SNX14: variants seen among roughly 807,000 people sequenced by gnomAD.
The protein encoded by SNX14 is sorting nexin-14.
In SNX14, 93 loss-of-function variants were observed where a neutral mutation model predicts 133.8. The observed-to-expected ratio is 0.70, with a 90% confidence interval of 0.59 to 0.83. SNX14 has a LOEUF of 0.83. Among genes scored for constraint, SNX14 ranks in the 40% least tolerant of loss-of-function variants. The pLI is 0.00. For synonymous variants in SNX14, 368 were observed against 365.6 expected, an observed-to-expected ratio of 1.01 and a Z score of -0.07; for missense variants, 945 against 1,094.9, an observed-to-expected ratio of 0.86 and a Z score of 1.93.
At chr6:85,591,007 C>T (rs1802582557) in intron 1 of SNX14, among the ~76,000 whole-genome samples, 1 of 152,192 alleles carries the variant, frequency 6.6e-6, no homozygotes, top group Non-Finnish European at 1.5e-5. Context: ...TGGGAGTACT[C>T]CCAGTATCAT....
At chr6:85,528,661 G>T (rs1296430037) in intron 19 of SNX14, among the ~76,000 whole-genome samples, 1 of 151,972 alleles carries the variant, frequency 6.6e-6, no homozygotes, top group Non-Finnish European at 1.5e-5. Context: ...AGATTTTTTT[G>T]AAATTGGTGA....
chr6:85,508,454 A>G (rs2127753046), intron 26 of SNX14: 1 of 887,692 alleles, frequency 1.1e-6, no homozygotes, highest in East Asian at 1.2e-4. Flanking sequence ...AAATGCATGG[A>G]AAAATGTAAG....
intron 21 of SNX14, among the ~76,000 whole-genome samples, chr6:85,522,821 C>T (rs997882971): frequency 3.9e-5 from 6 of 152,146 alleles, no homozygotes; most frequent in Admixed American, 2.6e-4. Context: ...TGTACTGTAC[C>T]TTCAAGATAC....
intron 1 of SNX14, among the ~76,000 whole-genome samples, chr6:85,575,023 T>C (rs1021550728): frequency 2.0e-5 from 3 of 151,944 alleles, no homozygotes; most frequent in African/African-American, 7.3e-5. Flanking sequence ...CAGAAGAGGA[T>C]AGGATAGAGG....
At position 85,593,758 on chromosome 6, in the gene SNX14, G is replaced by A. The variant is rs767432389; in HGVS notation, c.-40C>T. 4.4e-5 allele frequency: 71 copies of A among 1,606,544 alleles called. No homozygotes were observed. The highest frequency in any genetic ancestry group is 5.2e-5 in the Non-Finnish European group (61 of 1,177,920). ...GGCCGAGACTGCGCTACTGGCTGAG[G>A]CAGAGGTCAAGGCGACCCCCCATCC... On this transcript the variant is annotated 5_prime_UTR_variant, in exon 1 of 29. Coordinates refer to ENST00000314673, the MANE Select transcript of SNX14 (RefSeq NM_153816.6).
At chr6:85,548,499 G>C in intron 8 of SNX14, 123 bp from the exon 9 acceptor site, 1 of 698,860 alleles carries the variant, frequency 1.4e-6, no homozygotes, top group East Asian at 3.0e-5. Flanking sequence ...GTAGGTCTTG[G>C]TTAGGCCCTA....
chr6:85,529,218 G>A (rs1461643287), intron 19 of SNX14, among the ~76,000 whole-genome samples: 1 of 151,950 alleles, frequency 6.6e-6, no homozygotes. Flanking sequence ...TCTGTGGTGA[G>A]CCAACATCGT....
intron 27 of SNX14, among the ~76,000 whole-genome samples, chr6:85,507,742 A>G (rs576591194): frequency 3.7e-4 from 56 of 152,270 alleles, no homozygotes; most frequent in African/African-American, 1.2e-3. Flanking sequence ...CAAATTTTCT[A>G]CAATTACTAT....
At chr6:85,563,348 G>A (rs1218983475) in intron 6 of SNX14, among the ~76,000 whole-genome samples, 1 of 152,102 alleles carries the variant, frequency 6.6e-6, no homozygotes, top group East Asian at 1.9e-4. Flanking sequence ...AATATATATA[G>A]GCAATGATAC....
chr6:85,571,480 A>C (rs1181172591), intron 4 of SNX14, among the ~76,000 whole-genome samples: 2 of 152,198 alleles, frequency 1.3e-5, no homozygotes, highest in African/African-American at 2.4e-5. Flanking sequence ...GCTATTCTTC[A>C]ACTAATTAAC....
intron 8 of SNX14, 105 bp from the exon 9 acceptor site, chr6:85,548,481 A>G: frequency 2.4e-6 from 2 of 832,644 alleles, no homozygotes; most frequent in Non-Finnish European, 1.8e-6. Context: ...AATGGAGACT[A>G]TAATTCAGTA....
chr6:85,532,893 C>CT (rs913415994), intron 18 of SNX14, among the ~76,000 whole-genome samples: 39 of 148,262 alleles, frequency 2.6e-4, no homozygotes, highest in Admixed American at 2.7e-4. Flanking sequence ...TTCATCAGTT[C>CT]TTTTTTTTTT....
At chr6:85,536,714 AAAT>A (rs1782063888) in intron 17 of SNX14, 75 bp downstream of exon 17, 2 of 1,411,560 alleles carry the variant, frequency 1.4e-6, no homozygotes, top group African/African-American at 1.4e-5. Context: ...AAAAAAAGGA[AAAT>A]AATGAGTATA....
At chr6:85,517,914 G>A in intron 22 of SNX14, 39 bp from the exon 23 acceptor site, 1 of 1,575,636 alleles carries the variant, frequency 6.3e-7, no homozygotes, top group Middle Eastern at 1.7e-4. Flanking sequence ...AAAAAATAAA[G>A]GTAATTTTTA....
chr6:85,584,140 C>A (rs995619184), intron 1 of SNX14, among the ~76,000 whole-genome samples: 6 of 152,140 alleles, frequency 3.9e-5, no homozygotes, highest in Admixed American at 3.9e-4. Context: ...CAAAAACAAG[C>A]AATGAAGAAA....
At chr6:85,510,875 T>C (rs1221599737) in intron 26 of SNX14, among the ~76,000 whole-genome samples, 1 of 152,224 alleles carries the variant, frequency 6.6e-6, no homozygotes, top group Non-Finnish European at 1.5e-5. Flanking sequence ...TGTGACTTTG[T>C]TGTTCTCAAT....
intron 6 of SNX14, among the ~76,000 whole-genome samples, chr6:85,564,199 CT>C (rs1270952224): frequency 1.3e-5 from 2 of 152,190 alleles, no homozygotes; most frequent in African/African-American, 4.8e-5. Context: ...GGTTCCAAGT[CT>C]TTGCTATTGT....
intron 1 of SNX14, among the ~76,000 whole-genome samples, chr6:85,577,818 T>C (rs1163158710): frequency 6.6e-6 from 1 of 151,852 alleles, no homozygotes; most frequent in East Asian, 1.9e-4. Flanking sequence ...AAAAAAATAC[T>C]ACAGAAATGA....
intron 6 of SNX14, among the ~76,000 whole-genome samples, chr6:85,559,798 T>C (rs868101390): frequency 6.6e-6 from 1 of 152,072 alleles, no homozygotes; most frequent in Non-Finnish European, 1.5e-5. Context: ...TACAACTCAG[T>C]AATAAAAAAA....
Sources: gnomAD v4.1 joint callset for allele counts (sites outside exome capture counted in the v4.1 genomes callset) on GRCh38, gnomAD v4.1.1 for gene constraint, MANE v1.5 for transcripts, NCBI Gene and HGNC (gene_info 2026-07-23, HGNC 2026-07-21) for gene names.